RTTN: variants seen among roughly 807,000 people sequenced by gnomAD.
RTTN encodes rotatin.
A neutral mutation model predicts 269.2 loss-of-function variants in RTTN; 182 were observed. The ratio of observed to expected loss-of-function variants is 0.68; its 90% confidence interval spans 0.60 to 0.76. RTTN has a LOEUF of 0.76. Ranked by LOEUF, RTTN falls within the 30% of genes least tolerant of loss-of-function variation. The pLI is 0.00. For missense variants in RTTN, 2,545 were observed against 2,608.6 expected (o/e 0.98, Z 0.53); for synonymous variants, 1,006 against 963.5 (o/e 1.04, Z -0.82).
chr18:70,038,784 C>T (rs923833834), intron 40 of RTTN, among the ~76,000 whole-genome samples: 6 of 152,130 alleles, frequency 3.9e-5, no homozygotes, highest in Non-Finnish European at 5.9e-5. Flanking sequence ...AACTTTCAAA[C>T]AGAGAATTCA....
chr18:70,087,381 C>T (rs2058728784), intron 31 of RTTN, among the ~76,000 whole-genome samples: 1 of 152,142 alleles, frequency 6.6e-6, no homozygotes, highest in Non-Finnish European at 1.5e-5. Context: ...ATAAACATCA[C>T]TACTTAAAAA....
In RTTN at chr18:70,003,508, A is replaced by C. The variant is rs1599057623; in HGVS notation, c.*643T>G. The C allele has an allele frequency of 6.6e-6, 1 of 152,230 alleles. No individual in the cohort carries two copies. Among genetic ancestry groups the C allele is most frequent in the Admixed American group, 6.5e-5 (1 of 15,280 alleles). 9.4% of individuals were successfully genotyped at this position (152,230 alleles called of 1,614,324 possible). A position where few individuals can be genotyped will look rare whatever the true frequency, so the allele number is the denominator to read the frequency against. ...GTAATGATTTAAGAGTCATCTAGGAAGAAGATAACATCACTAAAACTTGCC... is the reference window on the plus strand; with the variant it reads ...GTAATGATTTAAGAGTCATCTAGGACGAAGATAACATCACTAAAACTTGCC... On this transcript the variant is annotated 3_prime_UTR_variant, in exon 49 of 49. Coordinates refer to ENST00000640769, the MANE Select transcript of RTTN (RefSeq NM_173630.4).
chr18:70,184,778 C>T (rs2061506436), intron 10 of RTTN, among the ~76,000 whole-genome samples: 1 of 121,800 alleles, frequency 8.2e-6, no homozygotes, highest in Non-Finnish European at 1.6e-5. Flanking sequence ...GCCTGTAGTC[C>T]CAGCTACTTG....
chr18:70,065,889 G>A lies in RTTN; in HGVS notation c.4687C>T (p.Pro1563Ser). Reference protein sequence around the residue: ...APSLGSTEFQPLVQSTTLLPE... With the variant: ...APSLGSTEFQSLVQSTTLLPE... ...AGAAGTGTTGTTGACTGCACAAGTG[G>A]CTGAAATTCAGTACTCCCCAATGAA... Residue 1563 changes from proline to serine, a missense_variant, in exon 35 of 49, where the codon CCA becomes TCA. Physicochemically the swap from Pro to Ser is moderately conservative, Grantham distance 74. Transcript: ENST00000640769. The A allele has an allele frequency of 6.2e-7, 1 of 1,601,542 alleles. No individual in the cohort carries two copies. The highest frequency in any genetic ancestry group is 8.5e-7 in the Non-Finnish European group (1 of 1,172,778).
chr18:70,157,614 A>C (rs929748662), intron 14 of RTTN, among the ~76,000 whole-genome samples: 14 of 152,304 alleles, frequency 9.2e-5, no homozygotes, highest in African/African-American at 3.4e-4. Flanking sequence ...GTTCTTAACC[A>C]AACTGAAATG....
At chr18:70,155,192 A>C (rs2060641984) in intron 14 of RTTN, among the ~76,000 whole-genome samples, 1 of 152,196 alleles carries the variant, frequency 6.6e-6, no homozygotes, top group African/African-American at 2.4e-5. Flanking sequence ...TGAAAATGTA[A>C]CTTCATTACA....
At chr18:70,180,293 G>C (rs2061394033) in intron 10 of RTTN, among the ~76,000 whole-genome samples, 1 of 152,028 alleles carries the variant, frequency 6.6e-6, no homozygotes, top group Admixed American at 6.5e-5. Context: ...CCAGGAGTTT[G>C]AGACCAGCTT....
At chr18:70,097,423 CA>C (rs1272612443) in intron 28 of RTTN, among the ~76,000 whole-genome samples, 1 of 152,206 alleles carries the variant, frequency 6.6e-6, no homozygotes, top group African/African-American at 2.4e-5. Context: ...ATTAGTAGTA[CA>C]ACAGGGATAC....
At chr18:70,104,362 T>C (rs1169872533) in intron 28 of RTTN, among the ~76,000 whole-genome samples, 3 of 152,200 alleles carry the variant, frequency 2.0e-5, no homozygotes, top group Non-Finnish European at 4.4e-5. Context: ...GTCTTCTCTA[T>C]ACTGTTTATT....
chr18:70,160,400 C>T (rs1234484632), intron 14 of RTTN, among the ~76,000 whole-genome samples: 2 of 151,960 alleles, frequency 1.3e-5, no homozygotes, highest in African/African-American at 4.8e-5. Context: ...TTGTTAAAAA[C>T]CCTCATCAAA....
intron 40 of RTTN, among the ~76,000 whole-genome samples, chr18:70,042,090 G>A (rs1347087295): frequency 6.6e-6 from 1 of 151,036 alleles, no homozygotes; most frequent in Non-Finnish European, 1.5e-5. Context: ...AATAAATAGA[G>A]GAAAAGACAG....
intron 37 of RTTN, among the ~76,000 whole-genome samples, chr18:70,057,057 C>T (rs1003669538): frequency 5.3e-5 from 8 of 152,156 alleles, no homozygotes; most frequent in African/African-American, 1.9e-4. Flanking sequence ...AAAGACCATG[C>T]GTGTAGCATT....
At chr18:70,010,089 A>G (rs2056323455) in intron 46 of RTTN, among the ~76,000 whole-genome samples, 1 of 152,240 alleles carries the variant, frequency 6.6e-6, no homozygotes, top group African/African-American at 2.4e-5. Context: ...TCATAAAGCA[A>G]GTTCTTAGAG....
chr18:70,158,547 G>A (rs776307478), intron 14 of RTTN, among the ~76,000 whole-genome samples: 2 of 152,010 alleles, frequency 1.3e-5, no homozygotes, highest in Non-Finnish European at 2.9e-5. Flanking sequence ...TCAAGTCTAC[G>A]TAACAACCAG....
chr18:70,187,352 C>T (rs961257146), intron 10 of RTTN, among the ~76,000 whole-genome samples: 1 of 151,952 alleles, frequency 6.6e-6, no homozygotes, highest in Non-Finnish European at 1.5e-5. Flanking sequence ...AATCTACATA[C>T]TTAGTTGCTT....
chr18:70,088,136 A>C lies in RTTN; in HGVS notation c.4155T>G (p.Thr1385=). The change falls in exon 31 of 49, where the codon ACT becomes ACG. Residue 1385 remains threonine, a synonymous_variant. Coordinates refer to ENST00000640769, the MANE Select transcript of RTTN (RefSeq NM_173630.4). ...TCAGTGCTGATCCTAATCCCAGTGA[A>C]GTGAATCTCACCTGTTCAAATTAAA... ...WVDRDPEVRF[T]SLGLGSALTT... is the part of the protein sequence containing the mutation. 2 of 1,612,438 alleles carry C rather than the reference A, an allele frequency of 1.2e-6. No homozygotes were observed. The highest frequency in any genetic ancestry group is 1.7e-6 in the Non-Finnish European group (2 of 1,179,390).
At chr18:70,145,981 T>C (rs1216335827) in intron 17 of RTTN, among the ~76,000 whole-genome samples, 198 bp from the exon 18 acceptor site, 1 of 152,176 alleles carries the variant, frequency 6.6e-6, no homozygotes, top group Non-Finnish European at 1.5e-5. Flanking sequence ...AATGTAATAG[T>C]TATAAAATAA....
chr18:70,049,768 ATTAG>A (rs2057603772), intron 39 of RTTN, among the ~76,000 whole-genome samples: 2 of 152,158 alleles, frequency 1.3e-5, no homozygotes, highest in South Asian at 4.1e-4. Context: ...AAAATTAAAG[ATTAG>A]TTATTTTAAA....
intron 8 of RTTN, chr18:70,192,861 GCTATTCTTTT>G (rs1230956039): frequency 6.5e-6 from 1 of 153,664 alleles, no homozygotes; most frequent in African/African-American, 2.4e-5. Context: ...ATCATTTAAA[GCTATTCTTTT>G]AAACTTGATC....
Sources: allele counts gnomAD v4.1 joint callset (sites outside exome capture counted in the v4.1 genomes callset), GRCh38; gene constraint gnomAD v4.1.1; transcripts MANE v1.5; gene names NCBI Gene and HGNC (gene_info 2026-07-23, HGNC 2026-07-21).